The following BRCA2 variants were observed in gnomAD, a reference collection of about 807,000 sequenced individuals.
The protein encoded by BRCA2 is BRCA2 DNA repair associated.
A neutral mutation model predicts 276.7 loss-of-function variants in BRCA2; 203 were observed. The ratio of observed to expected loss-of-function variants is 0.73; its 90% CI spans 0.65 to 0.82. BRCA2 has a LOEUF of 0.82. Among genes scored for constraint, BRCA2 ranks in the 40% least tolerant of loss-of-function variants. BRCA2 has a pLI of 0.00. For synonymous variants in BRCA2, 1,289 were observed against 1,338.4 expected, an observed-to-expected ratio of 0.96 and a Z score of 0.81; for missense variants, 3,920 against 3,915.0, an observed-to-expected ratio of 1.00 and a Z score of -0.03.
chr13:32,380,085 C>G lies in BRCA2; in HGVS notation c.9196C>G (p.Gln3066Glu), dbSNP rs80359180. Residue 3066 changes from glutamine (Q) to glutamate (E), a missense_variant, in exon 24 of 27, where the codon CAG (glutamine) becomes GAG (glutamate). By Grantham distance (29) the Gln-to-Glu change is conservative. Coordinates refer to ENST00000380152, the MANE Select transcript of BRCA2 (RefSeq NM_000059.4). ...HFSKFLDPDF[Q>E]PSCSEVDLIG... ...CAGCAAATTTTTAGATCCAGACTTT[C>G]AGCCATCTTGTTCTGAGGTGGACCT... is the stretch of plus-strand genomic sequence containing the variant. The G allele has an allele frequency of 6.2e-7, 1 of 1,614,068 alleles. No individual in the cohort carries two copies. The highest frequency in any genetic ancestry group is 8.5e-7 in the Non-Finnish European group (1 of 1,179,990).
intron 13 of BRCA2, among the ~76,000 whole-genome samples, chr13:32,353,384 C>T (rs914960985): frequency 5.3e-5 from 8 of 152,148 alleles, no homozygotes; most frequent in South Asian, 2.1e-4. Flanking sequence ...ACAAAGAAGC[C>T]GGGGGATCCT....
intron 8 of BRCA2, 136 bp downstream of exon 8, chr13:32,329,628 T>C: frequency 1.4e-6 from 1 of 721,768 alleles, no homozygotes; most frequent in Non-Finnish European, 2.3e-6. Flanking sequence ...CTAAACCTGG[T>C]CCTATATGTG....
intron 24 of BRCA2, among the ~76,000 whole-genome samples, chr13:32,391,137 A>T (rs181766585): frequency 6.6e-6 from 1 of 152,346 alleles, no homozygotes; most frequent in East Asian, 1.9e-4. Flanking sequence ...TTACTGTATT[A>T]CAGAAACACT....
At chr13:32,391,351 C>T (rs901268088) in intron 24 of BRCA2, among the ~76,000 whole-genome samples, 2 of 152,226 alleles carry the variant, frequency 1.3e-5, no homozygotes, top group Admixed American at 1.3e-4. Context: ...CCCACAGGGA[C>T]TTCTGGAGCT....
chr13:32,316,737 C>T (rs569558588), intron 2 of BRCA2, among the ~76,000 whole-genome samples: 2 of 152,202 alleles, frequency 1.3e-5, no homozygotes, highest in East Asian at 1.9e-4. Context: ...GAAACTGGCC[C>T]CTTGACTAGC....
At chr13:32,365,656 G>A (rs892896968) in intron 18 of BRCA2, among the ~76,000 whole-genome samples, 1 of 150,756 alleles carries the variant, frequency 6.6e-6, no homozygotes, top group African/African-American at 2.4e-5. Context: ...GGGATTACGG[G>A]CATGAGCCAC....
At chr13:32,324,203 G>C (rs143725735) in intron 3 of BRCA2, among the ~76,000 whole-genome samples, 13 of 152,246 alleles carry the variant, frequency 8.5e-5, no homozygotes, top group African/African-American at 1.7e-4. Flanking sequence ...GAACACATAG[G>C]GGGGCAAACA....
At chr13:32,352,250 GTTGTA>G (rs1212637718) in intron 13 of BRCA2, among the ~76,000 whole-genome samples, 3 of 151,776 alleles carry the variant, frequency 2.0e-5, no homozygotes, top group Admixed American at 2.0e-4. Context: ...ATCAAAAACA[GTTGTA>G]TTAAATAAGA....
Position 32,393,672 on chromosome 13 carries a change from C to G in BRCA2, c.9257-1017C>G, listed in dbSNP as rs206342. On this transcript the variant is annotated intron_variant, in intron 24 of 26. Coordinates refer to ENST00000380152, the MANE Select transcript of BRCA2 (RefSeq NM_000059.4). ...TTTTAGTAGAAAATGGTGTTTAGATCCAAGATCTGGTTGCTAGATAGGCTC... is the reference window on the plus strand; with the variant it reads ...TTTTAGTAGAAAATGGTGTTTAGATGCAAGATCTGGTTGCTAGATAGGCTC... Among the ~76,000 whole-genome samples, 23,716 of 151,966 alleles carry G rather than the reference C, an allele frequency of 0.16. 2,328 individuals are homozygous for G. Among genetic ancestry groups the G allele is most frequent in the South Asian group, 0.23 (1,100 of 4,816 alleles).
intron 24 of BRCA2, 136 bp from the exon 25 acceptor site, chr13:32,394,553 A>G: frequency 8.6e-7 from 1 of 1,165,324 alleles, no homozygotes; most frequent in African/African-American, 1.6e-5. Flanking sequence ...AGCTTTCGCC[A>G]AATTCAGCTA....
At chr13:32,344,726 TC>T in intron 12 of BRCA2, 73 bp downstream of exon 12, 8 of 1,037,480 alleles carry the variant, frequency 7.7e-6, no homozygotes, top group Non-Finnish European at 1.2e-5. Context: ...CCTCAGGTGA[TC>T]CACCTGCCTC....
intron 1 of BRCA2, among the ~76,000 whole-genome samples, chr13:32,316,058 C>G (rs1437349032): frequency 6.6e-6 from 1 of 152,142 alleles, no homozygotes; most frequent in Admixed American, 6.5e-5. Flanking sequence ...TTACTTAAGC[C>G]CCTGGTAATT....
rs1450949342 is a variant in BRCA2 at position 32,331,027 on chromosome 13, C to T, written c.790C>T (p.His264Tyr). ...ENTNQREAAS[H>Y]GFGKTSGNSF... is the part of the protein sequence containing the mutation. ...CACAAATCAAAGAGAAGCTGCAAGT[C>T]ATGGTAAGTCCTCTGTTTAGTTGAA... Residue 264 changes from histidine to tyrosine, a missense_variant, in exon 9 of 27, where the codon CAT (histidine) becomes TAT (tyrosine). This residue lies in a region of BRCA2 where 3,263 missense variants were observed against 3,156.9 expected (regional missense o/e 1.03). Coordinates refer to ENST00000380152, the MANE Select transcript of BRCA2 (RefSeq NM_000059.4). 1 of 1,600,616 alleles carries T rather than the reference C, an allele frequency of 6.2e-7. No homozygotes were observed. Among genetic ancestry groups the T allele is most frequent in the Admixed American group, 1.7e-5 (1 of 59,868 alleles).
chr13:32,315,463 G>A, upstream of BRCA2: 1 of 152,386 alleles, frequency 6.6e-6, no homozygotes, highest in Non-Finnish European at 1.5e-5. Context: ...ACGGCGTCAC[G>A]TGGCCAGCGC....
chr13:32,321,939 C>CT (rs1038397445), intron 3 of BRCA2, among the ~76,000 whole-genome samples: 275 of 149,456 alleles, frequency 1.8e-3, no homozygotes, highest in African/African-American at 5.8e-3. Flanking sequence ...ATTTTTTTAA[C>CT]TTTTTTTTTT....
In BRCA2 at chr13:32,376,670, A is replaced by G. The variant is rs786203358; in HGVS notation, c.8633A>G (p.Glu2878Gly). The G allele has an allele frequency of 6.2e-7, 1 of 1,614,110 alleles. No individual in the cohort carries two copies. The highest frequency in any genetic ancestry group is 1.1e-5 in the South Asian group (1 of 91,078). ...ATTAATAATCCTTTTGTTTTCTTAG[A>G]AAACACAACAAAACCATATTTACCA... ...KIQEEFEEHE[E>G]NTTKPYLPSR... The change falls in exon 21 of 27, where the codon GAA becomes GGA. Residue 2878 changes from glutamate (E) to glycine (G), a missense_variant and splice_region_variant. Around this residue, in one of 2 missense-constraint regions of BRCA2, gnomAD observed 657 missense variants for 758.2 expected, o/e 0.87. Transcript: ENST00000380152.
chr13:32,369,473 TG>T (rs1265147848), intron 18 of BRCA2, among the ~76,000 whole-genome samples: 3 of 152,228 alleles, frequency 2.0e-5, no homozygotes, highest in African/African-American at 7.2e-5. Context: ...ACAAGTTTGG[TG>T]GCTGAATAAC....
chr13:32,323,405 G>A lies in BRCA2; in HGVS notation c.317-1671G>A, dbSNP rs180863416. Among the ~76,000 whole-genome samples, 742 of 152,110 alleles carry A rather than the reference G, an allele frequency of 4.9e-3. 6 individuals are homozygous for A. The highest frequency in any genetic ancestry group is 0.017 in the African/African-American group (696 of 41,510). ...CCTGACCTCGTGATCCGCTCGCCTC[G>A]GCCTCCCAAAGTGCTGGGATTACAG... is the stretch of plus-strand genomic sequence containing the variant. On this transcript the variant is annotated intron_variant, in intron 3 of 26. Coordinates refer to ENST00000380152, the MANE Select transcript of BRCA2 (RefSeq NM_000059.4).
rs80359230 is a variant in BRCA2 at position 32,396,995 on chromosome 13, C to G, written c.9599C>G (p.Ser3200Ter). The change falls in exon 26 of 27, where the codon TCA becomes TGA. Residue 3200 changes from serine to a stop codon, truncating the protein, a stop_gained. Coordinates refer to ENST00000380152, the MANE Select transcript of BRCA2 (RefSeq NM_000059.4). LOFTEE classifies it low-confidence loss of function (END_TRUNC). ...TCCACCCCAACTAAAGACTGTACTT[C>G]AGGGCCGTACACTGCTCAAATCATT... ...KWSTPTKDCT[S>*]GPYTAQIIPG... 2 of 1,614,078 alleles carry G rather than the reference C, an allele frequency of 1.2e-6. No individual in the cohort carries two copies. Among genetic ancestry groups the G allele is most frequent in the Non-Finnish European group, 1.7e-6 (2 of 1,179,960 alleles).
Sources: gnomAD v4.1 joint callset for allele counts (sites outside exome capture counted in the v4.1 genomes callset) on GRCh38, gnomAD v4.1.1 for gene constraint, gnomAD v4.1.1 regional missense constraint, MANE v1.5 for transcripts, NCBI Gene and HGNC (gene_info 2026-07-23, HGNC 2026-07-21) for gene names.